Variants in ENTHD1 observed in about 807,000 individuals in gnomAD.
ENTHD1 encodes ENTH domain containing 1.
Under a neutral mutation model 39.1 loss-of-function variants are expected in ENTHD1, and 23 were observed. The observed-to-expected ratio is 0.59, with a 90% confidence interval of 0.42 to 0.83. The LOEUF (loss-of-function observed/expected upper bound fraction) is 0.83. Ranked by LOEUF, ENTHD1 falls within the 40% of genes least tolerant of loss-of-function variation. The pLI is 0.00. For missense variants in ENTHD1, 624 were observed against 705.4 expected (o/e 0.88, Z 1.31); for synonymous variants, 230 against 258.2 (o/e 0.89, Z 1.05).
At chr22:39,883,790 G>C (rs546610447) in intron 2 of ENTHD1, among the ~76,000 whole-genome samples, 1 of 146,328 alleles carries the variant, frequency 6.8e-6, no homozygotes, top group East Asian at 2.0e-4. Context: ...GGGAGGCGGA[G>C]CTTGCAGTGG....
chr22:39,842,608 T>C (rs1165274169), intron 3 of ENTHD1, among the ~76,000 whole-genome samples: 4 of 151,858 alleles, frequency 2.6e-5, no homozygotes, highest in African/African-American at 9.7e-5. Context: ...AATTGACAAA[T>C]GGGATCTAAT....
At chr22:39,784,433 A>G (rs959825770) in intron 5 of ENTHD1, among the ~76,000 whole-genome samples, 4 of 152,100 alleles carry the variant, frequency 2.6e-5, no homozygotes, top group Admixed American at 6.6e-5. Flanking sequence ...TACAACAAAA[A>G]GATATTTGCA....
chr22:39,885,110 G>A (rs1419163029), intron 2 of ENTHD1, among the ~76,000 whole-genome samples: 1 of 152,154 alleles, frequency 6.6e-6, no homozygotes, highest in Non-Finnish European at 1.5e-5. Context: ...TTTCTGATAA[G>A]GGTCTTGTAT....
At chr22:39,802,510 T>G (rs1343437309) in intron 5 of ENTHD1, among the ~76,000 whole-genome samples, 1 of 152,200 alleles carries the variant, frequency 6.6e-6, no homozygotes, top group Non-Finnish European at 1.5e-5. Flanking sequence ...TTATAACCTA[T>G]TATCACACAA....
At chr22:39,860,597 T>C (rs905634972) in intron 3 of ENTHD1, among the ~76,000 whole-genome samples, 3 of 152,256 alleles carry the variant, frequency 2.0e-5, no homozygotes, top group Admixed American at 6.5e-5. Context: ...AAACTCTTGA[T>C]TAAGACAGAA....
intron 6 of ENTHD1, among the ~76,000 whole-genome samples, chr22:39,748,430 T>TG (rs1228713568): frequency 1.3e-5 from 2 of 151,874 alleles, no homozygotes; most frequent in East Asian, 3.9e-4. Flanking sequence ...TTCTTTTCTT[T>TG]TTTTTTTTTG....
At chr22:39,876,980 G>A (rs1285030379) in intron 2 of ENTHD1, among the ~76,000 whole-genome samples, 1 of 152,178 alleles carries the variant, frequency 6.6e-6, no homozygotes, top group Non-Finnish European at 1.5e-5. Context: ...ATAAAGATGT[G>A]TACATAAATG....
At chr22:39,801,662 C>T (rs2065599355) in intron 5 of ENTHD1, among the ~76,000 whole-genome samples, 1 of 152,184 alleles carries the variant, frequency 6.6e-6, no homozygotes, top group Non-Finnish European at 1.5e-5. Flanking sequence ...TTTGTTAAAA[C>T]TGCTAACTTC....
chr22:39,761,685 GCTCT>G (rs762000521), intron 6 of ENTHD1, among the ~76,000 whole-genome samples: 4 of 151,788 alleles, frequency 2.6e-5, no homozygotes, highest in Non-Finnish European at 5.9e-5. Flanking sequence ...AAATTCACTT[GCTCT>G]TTCTTTCATT....
chr22:39,852,493 A>G (rs1307985976), intron 3 of ENTHD1, among the ~76,000 whole-genome samples: 9 of 152,236 alleles, frequency 5.9e-5, no homozygotes, highest in African/African-American at 2.2e-4. Context: ...ATACCCTAAC[A>G]ACAGGGATGC....
At chr22:39,766,290 T>C (rs1327126652) in intron 5 of ENTHD1, among the ~76,000 whole-genome samples, 3 of 152,138 alleles carry the variant, frequency 2.0e-5, no homozygotes, top group Non-Finnish European at 4.4e-5. Context: ...CCAAAGTACA[T>C]AAAATAGTCC....
At chr22:39,837,223 T>C (rs1047416043) in intron 3 of ENTHD1, among the ~76,000 whole-genome samples, 2 of 152,206 alleles carry the variant, frequency 1.3e-5, no homozygotes, top group African/African-American at 4.8e-5. Context: ...CAAATTGGTA[T>C]ATACACACTA....
intron 3 of ENTHD1, among the ~76,000 whole-genome samples, chr22:39,841,243 C>T (rs2146685721): frequency 6.6e-6 from 1 of 152,232 alleles, no homozygotes; most frequent in East Asian, 1.9e-4. Context: ...CATATTATTA[C>T]TGTCCTATAT....
At chr22:39,877,648 G>A (rs879746728) in intron 2 of ENTHD1, among the ~76,000 whole-genome samples, 8 of 152,124 alleles carry the variant, frequency 5.3e-5, no homozygotes, top group East Asian at 1.9e-4. Context: ...CCAAGTTCTC[G>A]CAGTAAATAC....
chr22:39,884,445 G>T (rs2066364744), intron 2 of ENTHD1, among the ~76,000 whole-genome samples: 1 of 152,032 alleles, frequency 6.6e-6, no homozygotes, highest in African/African-American at 2.4e-5. Flanking sequence ...CTCCCAAAGG[G>T]CTGGGATTAT....
At chr22:39,889,703 G>C (rs925026029) in intron 1 of ENTHD1, among the ~76,000 whole-genome samples, 6 of 152,132 alleles carry the variant, frequency 3.9e-5, no homozygotes, top group African/African-American at 1.4e-4. Context: ...ATTTTTAGAA[G>C]CATCCCAAAT....
At chr22:39,846,652 G>A (rs1381528783) in intron 3 of ENTHD1, among the ~76,000 whole-genome samples, 1 of 151,946 alleles carries the variant, frequency 6.6e-6, no homozygotes, top group African/African-American at 2.4e-5. Context: ...ATCTGACAAA[G>A]GGCTAATATC....
chr22:39,884,347 T>C (rs1053562035), intron 2 of ENTHD1, among the ~76,000 whole-genome samples: 1 of 152,022 alleles, frequency 6.6e-6, no homozygotes, highest in African/African-American at 2.4e-5. Context: ...CCTGGCTAAT[T>C]TTTGGCATTT....
rs868114923 is a variant in ENTHD1 at position 39,794,764 on chromosome 22, A to C, written c.832+26229T>G. Among the ~76,000 whole-genome samples the C allele has an allele frequency of 1.1e-4, 16 of 151,362 alleles. No homozygotes were observed. The Middle Eastern group carries it at 0.01, about 98-fold the overall frequency. On this transcript the variant is annotated intron_variant, in intron 5 of 6. Transcript: ENST00000325157. ...GCTTGCAGTGAGCCAAGATCGTGCC[A>C]CTGCACTCCAGCCTGGGCAACAGAG...
Sources: allele counts gnomAD v4.1 joint callset (sites outside exome capture counted in the v4.1 genomes callset), GRCh38; gene constraint gnomAD v4.1.1; transcripts MANE v1.5; gene names NCBI Gene and HGNC (gene_info 2026-07-23, HGNC 2026-07-21).